The following SCAPER variants were observed in gnomAD, a reference collection of about 807,000 sequenced individuals.
SCAPER encodes the protein S phase cyclin A-associated protein in the endoplasmic reticulum.
Under a neutral mutation model 182.2 loss-of-function variants are expected in SCAPER, and 98 were observed. That is an observed-to-expected ratio of 0.54 (90% confidence interval 0.46 to 0.64). SCAPER has a LOEUF of 0.64. Ranked by LOEUF, SCAPER falls within the 30% of genes least tolerant of loss-of-function variation. The probability of loss-of-function intolerance (pLI) is 0.00; values close to 1 mark genes in which losing one functional copy is unlikely to be tolerated. For synonymous variants in SCAPER, 605 were observed against 564.6 expected (o/e 1.07, Z -1.01); for missense variants, 1,432 against 1,690.0 (o/e 0.85, Z 2.68).
intron 15 of SCAPER, among the ~76,000 whole-genome samples, 163 bp from the exon 16 acceptor site, chr15:76,733,547 G>A (rs1041384369): frequency 6.6e-6 from 1 of 151,646 alleles, no homozygotes; most frequent in East Asian, 1.9e-4. Flanking sequence ...TTGGGAGTTC[G>A]AGACCAGCCT....
chr15:76,525,244 C>A (rs1407309186), intron 23 of SCAPER, among the ~76,000 whole-genome samples: 1 of 152,094 alleles, frequency 6.6e-6, no homozygotes, highest in African/African-American at 2.4e-5. Context: ...AAAATCTTCA[C>A]TCTCCTAAAC....
chr15:76,470,336 A>T (rs994651724), intron 25 of SCAPER, among the ~76,000 whole-genome samples: 1 of 152,198 alleles, frequency 6.6e-6, no homozygotes, highest in African/African-American at 2.4e-5. Flanking sequence ...TTAAGATCAC[A>T]TAAGAAGTAT....
At chr15:76,409,916 T>C (rs1318805197) in intron 26 of SCAPER, among the ~76,000 whole-genome samples, 2 of 151,646 alleles carry the variant, frequency 1.3e-5, no homozygotes, top group Non-Finnish European at 2.9e-5. Flanking sequence ...GCCTCCTGAG[T>C]AGCTGAGACT....
intron 27 of SCAPER, among the ~76,000 whole-genome samples, chr15:76,400,953 A>C (rs2044413866): frequency 6.6e-6 from 1 of 151,502 alleles, no homozygotes; most frequent in Non-Finnish European, 1.5e-5. Flanking sequence ...AGATGTGTAA[A>C]CATGTAATTT....
intron 22 of SCAPER, among the ~76,000 whole-genome samples, chr15:76,588,938 C>T (rs1597542851): frequency 1.3e-5 from 2 of 152,222 alleles, no homozygotes; most frequent in Admixed American, 1.3e-4. Context: ...GGGCTGTTCC[C>T]TTGATGTAGT....
chr15:76,894,121 G>A (rs1056064174), intron 1 of SCAPER, among the ~76,000 whole-genome samples: 22 of 152,208 alleles, frequency 1.4e-4, no homozygotes, highest in African/African-American at 3.6e-4. Flanking sequence ...GTGCAGTGGC[G>A]CATGCCTGCA....
At chr15:76,505,036 A>G (rs2041456603) in intron 23 of SCAPER, 62 bp from the exon 24 acceptor site, 8 of 1,158,652 alleles carry the variant, frequency 6.9e-6, no homozygotes, top group Non-Finnish European at 1.0e-5. Context: ...TAACCAAATG[A>G]TATCTGTAGT....
At chr15:76,464,760 T>C (rs1428346109) in intron 25 of SCAPER, among the ~76,000 whole-genome samples, 1 of 152,194 alleles carries the variant, frequency 6.6e-6, no homozygotes, top group African/African-American at 2.4e-5. Context: ...TTTGAATACG[T>C]ACCCAGAAGC....
At chr15:76,800,153 A>ACATTTTTT (rs2065652713) in intron 7 of SCAPER, 95 bp downstream of exon 7, 1 of 683,148 alleles carries the variant, frequency 1.5e-6, no homozygotes, top group Non-Finnish European at 2.5e-6. Context: ...ATATACATGG[A>ACATTTTTT]TATTTTTATA....
chr15:76,571,198 C>CT (rs1460613349), intron 23 of SCAPER, among the ~76,000 whole-genome samples: 1 of 152,122 alleles, frequency 6.6e-6, no homozygotes, highest in African/African-American at 2.4e-5. Context: ...TAAATTCTTG[C>CT]TTTTTCTGTG....
chr15:76,846,647 G>A (rs1427776202), intron 4 of SCAPER, among the ~76,000 whole-genome samples: 2 of 152,030 alleles, frequency 1.3e-5, no homozygotes, highest in East Asian at 1.9e-4. Flanking sequence ...AAACTAAAAT[G>A]AGCTATCATC....
chr15:76,504,967 G>C lies in SCAPER; in HGVS notation c.2846C>G (p.Ala949Gly). Reference protein sequence around the residue: ...ITRILEKENVADQIAFQAAGG... With the variant: ...ITRILEKENVGDQIAFQAAGG... ...AGCAGCTTGAAATGCAATCTGATCT[G>C]CCACATTCTAGACAGAAATACAAAC... The change falls in exon 24 of 32, where the codon GCA becomes GGA. Residue 949 changes from alanine to glycine, a missense_variant. Transcript: ENST00000563290. 1 of 1,611,028 alleles carries C rather than the reference G, an allele frequency of 6.2e-7. No individual in the cohort carries two copies. Among genetic ancestry groups the C allele is most frequent in the Non-Finnish European group, 8.5e-7 (1 of 1,178,794 alleles).
intron 21 of SCAPER, among the ~76,000 whole-genome samples, chr15:76,640,277 T>G (rs914875620): frequency 6.6e-6 from 1 of 152,210 alleles, no homozygotes; most frequent in Non-Finnish European, 1.5e-5. Context: ...GGATGGGAGA[T>G]AGAATTATGA....
At chr15:76,493,079 CA>C (rs1165356323) in intron 24 of SCAPER, among the ~76,000 whole-genome samples, 1 of 151,980 alleles carries the variant, frequency 6.6e-6, no homozygotes, top group African/African-American at 2.4e-5. Flanking sequence ...CACCATGCTG[CA>C]ATAGCAAACC....
chr15:76,375,325 G>A (rs551646089), intron 29 of SCAPER, among the ~76,000 whole-genome samples: 29 of 148,526 alleles, frequency 2.0e-4, no homozygotes, highest in African/African-American at 6.7e-4. Flanking sequence ...AATTAAAGCA[G>A]TTTAAAGCAA....
At chr15:76,531,543 ACTT>A (rs969148528) in intron 23 of SCAPER, among the ~76,000 whole-genome samples, 4 of 152,120 alleles carry the variant, frequency 2.6e-5, no homozygotes, top group Admixed American at 2.6e-4. Flanking sequence ...ATGGTTTACC[ACTT>A]ATTTGCTATG....
At chr15:76,762,107 G>C (rs1431904707) in intron 14 of SCAPER, among the ~76,000 whole-genome samples, 1 of 151,972 alleles carries the variant, frequency 6.6e-6, no homozygotes, top group African/African-American at 2.4e-5. Context: ...GCTCTCTTTT[G>C]GTTACAATTT....
At chr15:76,682,676 C>G (rs1295852101) in intron 20 of SCAPER, among the ~76,000 whole-genome samples, 1 of 152,034 alleles carries the variant, frequency 6.6e-6, no homozygotes, top group African/African-American at 2.4e-5. Flanking sequence ...GGTCAGTAGA[C>G]CAGAAATACT....
intron 2 of SCAPER, among the ~76,000 whole-genome samples, chr15:76,862,996 T>A (rs1354106692): frequency 6.6e-6 from 1 of 152,224 alleles, no homozygotes; most frequent in African/African-American, 2.4e-5. Context: ...CATAATTTTA[T>A]CTCCAAGTTA....
Sources: allele counts gnomAD v4.1 joint callset (sites outside exome capture counted in the v4.1 genomes callset), GRCh38; gene constraint gnomAD v4.1.1; transcripts MANE v1.5; gene names NCBI Gene and HGNC (gene_info 2026-07-23, HGNC 2026-07-21).